The following MSRB3 variants were observed in gnomAD, a reference collection of about 807,000 sequenced individuals.
MSRB3 encodes methionine-R-sulfoxide reductase B3.
Under a neutral mutation model 21.0 loss-of-function variants are expected in MSRB3, and 13 were observed. The ratio of observed to expected loss-of-function variants is 0.62; its 90% CI spans 0.40 to 0.98. MSRB3 has a LOEUF of 0.98. Ranked by LOEUF, MSRB3 falls within the 50% of genes least tolerant of loss-of-function variation. The probability of loss-of-function intolerance (pLI) is 0.00; values close to 1 mark genes in which losing one functional copy is unlikely to be tolerated. For synonymous variants in MSRB3, 87 were observed against 88.6 expected, an observed-to-expected ratio of 0.98 and a Z score of 0.10; for missense variants, 199 against 230.3, an observed-to-expected ratio of 0.86 and a Z score of 0.88.
At chr12:65,419,611 C>T (rs1881170334) in intron 5 of MSRB3, 1 of 716,022 alleles carries the variant, frequency 1.4e-6, no homozygotes, top group South Asian at 1.4e-5. Context: ...GATATGAGCC[C>T]TCAGGTCCTC....
intron 5 of MSRB3, among the ~76,000 whole-genome samples, chr12:65,374,223 AAT>A (rs932132425): frequency 1.3e-5 from 2 of 152,166 alleles, no homozygotes; most frequent in African/African-American, 4.8e-5. Context: ...AAGGAAATAA[AAT>A]ATAAATATTT....
intron 2 of MSRB3, among the ~76,000 whole-genome samples, chr12:65,311,855 A>G (rs948840969): frequency 2.0e-5 from 3 of 152,072 alleles, no homozygotes; most frequent in Admixed American, 2.0e-4. Context: ...CATGAAGGCT[A>G]TATCCCAGAA....
chr12:65,278,702 C>G lies in MSRB3; in HGVS notation c.-215C>G. 1 of 1,398,342 alleles carries G rather than the reference C, an allele frequency of 7.2e-7. No individual in the cohort carries two copies. The allele number at this position is 1,398,342 out of a possible 1,614,324, so 86.6% of individuals were successfully genotyped here. On this transcript the variant is annotated 5_prime_UTR_variant, in exon 1 of 7. Coordinates refer to ENST00000308259, the MANE Select transcript of MSRB3 (RefSeq NM_001031679.3). The stretch of plus-strand genomic sequence containing the variant: ...CCCGTCATGCCTCCCGCCGCCCCGT[C>G]CGTCGCCCGGAGCCGGGGAGGGAGG...
intron 1 of MSRB3, among the ~76,000 whole-genome samples, chr12:65,294,479 A>G (rs1017280168): frequency 2.6e-5 from 4 of 152,224 alleles, no homozygotes; most frequent in South Asian, 4.2e-4. Context: ...CCCTATTTTT[A>G]TACTTATCAT....
At chr12:65,359,274 G>C (rs1255029886) in intron 4 of MSRB3, among the ~76,000 whole-genome samples, 4 of 151,916 alleles carry the variant, frequency 2.6e-5, no homozygotes, top group Non-Finnish European at 4.4e-5. Context: ...AGTGTCCAAA[G>C]TGCTAGTCAA....
chr12:65,287,465 A>G (rs1324323512), intron 1 of MSRB3, among the ~76,000 whole-genome samples: 2 of 152,020 alleles, frequency 1.3e-5, no homozygotes, highest in Non-Finnish European at 2.9e-5. Context: ...TTGTCAGAGA[A>G]CCTGAGTTTG....
At chr12:65,433,137 T>C (rs1356641229) in intron 5 of MSRB3, among the ~76,000 whole-genome samples, 2 of 152,048 alleles carry the variant, frequency 1.3e-5, no homozygotes, top group East Asian at 3.9e-4. Context: ...TCCAAAAGAA[T>C]TGAAAGCAGA....
At chr12:65,424,504 G>T (rs1427510446) in intron 5 of MSRB3, among the ~76,000 whole-genome samples, 1 of 151,898 alleles carries the variant, frequency 6.6e-6, no homozygotes, top group Non-Finnish European at 1.5e-5. Flanking sequence ...TCAGGATGTT[G>T]TGTTTCTATT....
chr12:65,381,982 G>T (rs1878962967), intron 5 of MSRB3, among the ~76,000 whole-genome samples: 2 of 151,912 alleles, frequency 1.3e-5, no homozygotes, highest in Admixed American at 6.6e-5. Flanking sequence ...TCACACAATA[G>T]CATGTAATAA....
At chr12:65,390,581 T>G (rs1354354665) in intron 5 of MSRB3, among the ~76,000 whole-genome samples, 1 of 152,214 alleles carries the variant, frequency 6.6e-6, no homozygotes, top group Admixed American at 6.5e-5. Flanking sequence ...TGATGCAATC[T>G]TTCTGAAAAG....
intron 4 of MSRB3, among the ~76,000 whole-genome samples, chr12:65,346,767 G>A (rs891823048): frequency 3.0e-4 from 46 of 152,078 alleles, no homozygotes; most frequent in African/African-American, 1.1e-3. Flanking sequence ...TTTGTATAAG[G>A]TGTAAGGAAG....
chr12:65,340,978 A>C (rs1353716028), intron 4 of MSRB3, among the ~76,000 whole-genome samples: 1 of 152,140 alleles, frequency 6.6e-6, no homozygotes, highest in Non-Finnish European at 1.5e-5. Flanking sequence ...GTATCAATTA[A>C]AGAAAATAGA....
At chr12:65,284,802 A>G (rs2136385022) in intron 1 of MSRB3, 1 of 152,356 alleles carries the variant, frequency 6.6e-6, no homozygotes, top group Non-Finnish European at 1.5e-5. Flanking sequence ...TTGAGGGGAC[A>G]TCACATTTAC....
At chr12:65,380,595 C>G (rs1317243545) in intron 5 of MSRB3, among the ~76,000 whole-genome samples, 1 of 152,042 alleles carries the variant, frequency 6.6e-6, no homozygotes, top group Non-Finnish European at 1.5e-5. Context: ...AGAATTGGTA[C>G]TTAACTCTGT....
At chr12:65,451,606 A>G (rs1882861060) in intron 5 of MSRB3, among the ~76,000 whole-genome samples, 1 of 152,142 alleles carries the variant, frequency 6.6e-6, no homozygotes, top group South Asian at 2.1e-4. Context: ...ACCCTGTAAA[A>G]TGAGTGAACT....
chr12:65,378,176 A>T (rs1878738782), intron 5 of MSRB3, among the ~76,000 whole-genome samples: 1 of 152,186 alleles, frequency 6.6e-6, no homozygotes, highest in Non-Finnish European at 1.5e-5. Context: ...TCTAGTGGCA[A>T]ATATCCCTGG....
In MSRB3 at chr12:65,425,395, A is replaced by T. The variant is rs181783578; in HGVS notation, c.293-28333A>T. On this transcript the variant is annotated intron_variant, in intron 5 of 6. Coordinates refer to ENST00000308259, the MANE Select transcript of MSRB3 (RefSeq NM_001031679.3). ...GTTTGGCCTCATTAGTGGCATTAAAAATTATTTTCTGGTTGTTTTGTAGAT... is the reference window on the plus strand; with the variant it reads ...GTTTGGCCTCATTAGTGGCATTAAATATTATTTTCTGGTTGTTTTGTAGAT... Among the ~76,000 whole-genome samples, 293 of 152,112 alleles carry T rather than the reference A, an allele frequency of 1.9e-3. 1 individual carries two copies. Among genetic ancestry groups the T allele is most frequent in the Non-Finnish European group, 1.9e-3 (130 of 67,962 alleles).
At chr12:65,435,290 T>C (rs1474589339) in intron 5 of MSRB3, among the ~76,000 whole-genome samples, 1 of 151,948 alleles carries the variant, frequency 6.6e-6, no homozygotes, top group Non-Finnish European at 1.5e-5. Context: ...CAAGATCAAA[T>C]CTATATTTTA....
At chr12:65,387,748 A>G (rs1879266889) in intron 5 of MSRB3, among the ~76,000 whole-genome samples, 1 of 152,182 alleles carries the variant, frequency 6.6e-6, no homozygotes, top group Middle Eastern at 3.2e-3. Context: ...AATAACATAG[A>G]GTGAAATCAC....
Sources: gnomAD v4.1 joint callset for allele counts (sites outside exome capture counted in the v4.1 genomes callset) on GRCh38, gnomAD v4.1.1 for gene constraint, MANE v1.5 for transcripts, NCBI Gene and HGNC (gene_info 2026-07-23, HGNC 2026-07-21) for gene names.